EFCAB6: variants seen among roughly 807,000 people sequenced by gnomAD.
The protein encoded by EFCAB6 is EF-hand calcium-binding domain-containing protein 6.
EFCAB6 carries 156 observed loss-of-function variants against 169.8 expected under a neutral mutation model. That is an observed-to-expected ratio of 0.92 (90% CI 0.81 to 1.05). The LOEUF is 1.05. Among genes scored for constraint, EFCAB6 ranks in the 50% least tolerant of loss-of-function variants. The pLI, the probability that EFCAB6 is intolerant of heterozygous loss-of-function variation, is 0.00. For missense variants in EFCAB6, 1,800 were observed against 1,829.1 expected (o/e 0.98, Z 0.29); for synonymous variants, 698 against 676.4 (o/e 1.03, Z -0.50).
chr22:43,706,003 G>A (rs1352270079), intron 10 of EFCAB6, among the ~76,000 whole-genome samples: 1 of 152,030 alleles, frequency 6.6e-6, no homozygotes, highest in Non-Finnish European at 1.5e-5. Context: ...AAGATAAAAG[G>A]AAATGAAAGA....
intron 20 of EFCAB6, among the ~76,000 whole-genome samples, chr22:43,618,101 C>CA (rs1221220610): frequency 3.5e-4 from 26 of 73,396 alleles, no homozygotes; most frequent in East Asian, 1.3e-3. Flanking sequence ...GACTCCATCT[C>CA]AAAAAAAAAA....
rs6006521 is a variant in EFCAB6 at position 43,660,064 on chromosome 22, A to C, written c.1983+7040T>G. On this transcript the variant is annotated intron_variant, in intron 17 of 31. Transcript: ENST00000262726. ...GGTGGGGTCTCCAGAGGTGGTACTA[A>C]GAACAACAGTGAGCTGAACAATGTC... is the stretch of plus-strand genomic sequence containing the variant. 5.2e-3 allele frequency among the ~76,000 whole-genome samples: 787 copies of C among 152,158 alleles called. 6 individuals carry two copies. Among genetic ancestry groups the C allele is most frequent in the African/African-American group, 0.015 (605 of 41,524 alleles).
chr22:43,609,300 A>G (rs887371713), intron 21 of EFCAB6, among the ~76,000 whole-genome samples: 4 of 152,218 alleles, frequency 2.6e-5, no homozygotes, highest in African/African-American at 9.6e-5. Flanking sequence ...GCTATTCTAC[A>G]TTGTACTGCG....
intron 17 of EFCAB6, among the ~76,000 whole-genome samples, chr22:43,643,609 C>T (rs535136599): frequency 6.6e-6 from 1 of 152,310 alleles, no homozygotes; most frequent in Non-Finnish European, 1.5e-5. Flanking sequence ...GATGCTGCTT[C>T]CTTTTGCACA....
chr22:43,544,175 C>A (rs2047907809), intron 27 of EFCAB6, among the ~76,000 whole-genome samples: 1 of 152,140 alleles, frequency 6.6e-6, no homozygotes, highest in South Asian at 2.1e-4. Flanking sequence ...CCTTGCTGCT[C>A]TCTGTGGCAA....
intron 18 of EFCAB6, among the ~76,000 whole-genome samples, chr22:43,633,319 G>T (rs1193983889): frequency 6.6e-6 from 1 of 152,248 alleles, no homozygotes; most frequent in African/African-American, 2.4e-5. Context: ...GGAGGCCAAG[G>T]TGGGCGGATC....
chr22:43,743,448 CCT>C (rs1179431127), intron 6 of EFCAB6, among the ~76,000 whole-genome samples: 2 of 152,240 alleles, frequency 1.3e-5, no homozygotes, highest in East Asian at 3.8e-4. Context: ...CAGCTCCGCA[CCT>C]GTTATTCAGG....
intron 17 of EFCAB6, among the ~76,000 whole-genome samples, chr22:43,661,247 A>G (rs2056986473): frequency 6.6e-6 from 1 of 152,060 alleles, no homozygotes; most frequent in South Asian, 2.1e-4. Flanking sequence ...GCCTGGTGGC[A>G]TGGACCTCTA....
At chr22:43,652,620 C>T (rs2056529148) in intron 17 of EFCAB6, among the ~76,000 whole-genome samples, 1 of 152,094 alleles carries the variant, frequency 6.6e-6, no homozygotes, top group Non-Finnish European at 1.5e-5. Flanking sequence ...GTTATGAGTC[C>T]CCACTCTATC....
At chr22:43,727,308 G>A (rs1008934522) in intron 8 of EFCAB6, among the ~76,000 whole-genome samples, 2 of 152,092 alleles carry the variant, frequency 1.3e-5, no homozygotes, top group African/African-American at 2.4e-5. Flanking sequence ...CATGCCTGTG[G>A]TCCTAGCTGG....
chr22:43,530,007 G>A (rs1395795349), intron 31 of EFCAB6, among the ~76,000 whole-genome samples: 1 of 152,252 alleles, frequency 6.6e-6, no homozygotes, highest in Admixed American at 6.5e-5. Flanking sequence ...GGTCCTATGG[G>A]GCTGAGGTCA....
In EFCAB6 at chr22:43,635,222, G is replaced by A. The variant is rs750235129; in HGVS notation, c.1984-6C>T. The A allele has an allele frequency of 2.2e-5, 36 of 1,607,764 alleles. No individual in the cohort carries two copies. The highest frequency in any genetic ancestry group is 8.9e-5 in the East Asian group (4 of 44,848). ...ATCCCAGTGTCTTCCAGTACCTGAC[G>A]AGGGAGACAGGGGAGGGTGGAGAGG... On this transcript the variant is annotated splice_region_variant and splice_polypyrimidine_tract_variant and intron_variant, in intron 17 of 31. Coordinates refer to ENST00000262726, the MANE Select transcript of EFCAB6 (RefSeq NM_022785.4).
intron 20 of EFCAB6, among the ~76,000 whole-genome samples, chr22:43,619,154 T>TAGC (rs1275995263): frequency 6.6e-6 from 1 of 152,150 alleles, no homozygotes; most frequent in Non-Finnish European, 1.5e-5. Flanking sequence ...CCAAGCAGCA[T>TAGC]AGCAACCAGC....
intron 10 of EFCAB6, among the ~76,000 whole-genome samples, chr22:43,705,047 T>C (rs2058905207): frequency 6.6e-6 from 1 of 151,876 alleles, no homozygotes; most frequent in Non-Finnish European, 1.5e-5. Flanking sequence ...AGATATTCCA[T>C]GCAAATGGAA....
intron 4 of EFCAB6, among the ~76,000 whole-genome samples, chr22:43,768,996 T>C (rs1215006374): frequency 2.6e-5 from 4 of 152,204 alleles, no homozygotes; most frequent in African/African-American, 9.6e-5. Flanking sequence ...CCCCTAGGTA[T>C]GTACCCAAGA....
rs1487157946 is a variant in EFCAB6 at position 43,572,416 on chromosome 22, A to G, written c.3420+3881T>C. Among the ~76,000 whole-genome samples the G allele has an allele frequency of 6.6e-6, 1 of 152,156 alleles. No homozygotes were observed. Among genetic ancestry groups the G allele is most frequent in the African/African-American group, 2.4e-5 (1 of 41,442 alleles). On this transcript the variant is annotated intron_variant, in intron 26 of 31. Transcript: ENST00000262726. The surrounding 1 kb of genome is among the most constrained non-coding windows in gnomAD (Gnocchi z 4.0). Reference sequence around the variant, plus strand: ...TGGAGCTTCAAGCCCGGTCTTCTCCACTTGCAGGTCCTTTAGGGGTATCTT... The same window carrying G: ...TGGAGCTTCAAGCCCGGTCTTCTCCGCTTGCAGGTCCTTTAGGGGTATCTT...
Position 43,755,762 on chromosome 22 carries a change from T to C in EFCAB6, c.507+4A>G. Reference sequence around the variant, plus strand: ...GGAAATCATTTCTTTAAAATCTCTATTACCTTTTCTCCCACTTGGATTTCA... The same window carrying C: ...GGAAATCATTTCTTTAAAATCTCTACTACCTTTTCTCCCACTTGGATTTCA... On this transcript the variant is annotated splice_donor_region_variant and intron_variant, in intron 6 of 31. Transcript: ENST00000262726. 6.2e-7 allele frequency: 1 copy of C among 1,602,936 alleles called. No homozygotes were observed. The highest frequency in any genetic ancestry group is 8.5e-7 in the Non-Finnish European group (1 of 1,176,054).
At chr22:43,761,679 T>C (rs943247634) in intron 5 of EFCAB6, among the ~76,000 whole-genome samples, 7 of 152,248 alleles carry the variant, frequency 4.6e-5, no homozygotes, top group Non-Finnish European at 8.8e-5. Flanking sequence ...TTCTATTGGA[T>C]ATGACATCTA....
chr22:43,695,813 T>C (rs926650169), intron 10 of EFCAB6, among the ~76,000 whole-genome samples: 1 of 152,036 alleles, frequency 6.6e-6, no homozygotes, highest in East Asian at 1.9e-4. Context: ...TCACACCATA[T>C]ACAAAAACTA....
Sources: gnomAD v4.1 joint callset for allele counts (sites outside exome capture counted in the v4.1 genomes callset) on GRCh38, gnomAD v4.1.1 for gene constraint, Gnocchi (gnomAD v3.1) non-coding constraint, MANE v1.5 for transcripts, NCBI Gene and HGNC (gene_info 2026-07-23, HGNC 2026-07-21) for gene names.